The following VWC2L variants were observed in gnomAD, a reference collection of about 807,000 sequenced individuals.
VWC2L encodes the protein von Willebrand factor C domain containing 2 like.
VWC2L carries 10 observed loss-of-function variants against 21.6 expected under a neutral mutation model. The observed-to-expected ratio is 0.46, with a 90% CI of 0.29 to 0.78. The LOEUF is 0.78. VWC2L is among the 30% of genes least tolerant of loss of function. The probability of loss-of-function intolerance (pLI) is 0.10; values close to 1 mark genes in which losing one functional copy is unlikely to be tolerated. For missense variants in VWC2L, 209 were observed against 277.1 expected (o/e 0.75, Z 1.74); for synonymous variants, 96 against 94.3 (o/e 1.02, Z -0.10).
rs929822864 is a variant in VWC2L, at chr2:214,518,560, G to T, written c.521-57112G>T. Reference sequence around the variant, plus strand: ...CCAGGACTAGCACAAGAAATACTGTGAAGCATGAAAAGCTTGTCTCTAGTC... The same window carrying T: ...CCAGGACTAGCACAAGAAATACTGTTAAGCATGAAAAGCTTGTCTCTAGTC... On this transcript the variant is annotated intron_variant, in intron 3 of 3. Transcript: ENST00000312504. Among the ~76,000 whole-genome samples the T allele has an allele frequency of 1.1e-4, 17 of 152,282 alleles. 1 individual carries two copies. The highest frequency in any genetic ancestry group is 1.1e-3 in the Admixed American group (17 of 15,302).
At chr2:214,496,928 G>T (rs1688821199) in intron 3 of VWC2L, among the ~76,000 whole-genome samples, 1 of 152,080 alleles carries the variant, frequency 6.6e-6, no homozygotes, top group South Asian at 2.1e-4. Context: ...GTGTGTATTT[G>T]TATGTTTTGG....
intron 3 of VWC2L, among the ~76,000 whole-genome samples, chr2:214,511,497 G>A (rs950638067): frequency 6.6e-6 from 1 of 151,968 alleles, no homozygotes; most frequent in African/African-American, 2.4e-5. Context: ...GAGAGATTTG[G>A]GACAATTTCT....
At chr2:214,454,000 A>G (rs918649353) in intron 3 of VWC2L, among the ~76,000 whole-genome samples, 1 of 152,056 alleles carries the variant, frequency 6.6e-6, no homozygotes, top group South Asian at 2.1e-4. Flanking sequence ...GAATTACAGG[A>G]GTGAGCCACC....
intron 3 of VWC2L, among the ~76,000 whole-genome samples, chr2:214,455,475 T>C (rs1703042566): frequency 6.6e-6 from 1 of 152,220 alleles, no homozygotes; most frequent in Non-Finnish European, 1.5e-5. Context: ...ATGCATGGAA[T>C]GTGTAATGAC....
chr2:214,507,142 A>C (rs928242921), intron 3 of VWC2L, among the ~76,000 whole-genome samples: 18 of 152,192 alleles, frequency 1.2e-4, no homozygotes, highest in African/African-American at 4.1e-4. Context: ...ACCACAATTA[A>C]ATCTAACTGA....
At chr2:214,531,251 T>C (rs4286275) in intron 3 of VWC2L, among the ~76,000 whole-genome samples, 94,069 of 152,060 alleles carry the variant, frequency 0.62, 29,747 homozygotes, top group East Asian at 0.74. Flanking sequence ...CTGTAGGACT[T>C]TTGACGAGTA....
At chr2:214,412,833 T>C (rs1702298327) in intron 1 of VWC2L, among the ~76,000 whole-genome samples, 1 of 152,124 alleles carries the variant, frequency 6.6e-6, no homozygotes, top group African/African-American at 2.4e-5. Context: ...AATAAACCAA[T>C]GTATAACATT....
chr2:214,414,528 TA>T lies in VWC2L; in HGVS notation c.341del (p.Asn114ThrfsTer36). The T allele has an allele frequency of 6.2e-7, 1 of 1,612,814 alleles. No individual in the cohort carries two copies. Among genetic ancestry groups the T allele is most frequent in the Non-Finnish European group, 8.5e-7 (1 of 1,179,536 alleles). ...GGATGCTGTCCTGAGTGCAAAGAAG[TA>T]AAAAACTTCTGTGAATATCACGGGA... ...HNGCCPECKE[V>X]KNFCEYHGKN... On this transcript the variant is annotated frameshift_variant, in exon 2 of 4. Coordinates refer to ENST00000312504, the MANE Select transcript of VWC2L (RefSeq NM_001080500.4). LOFTEE classifies it high-confidence loss of function.
intron 2 of VWC2L, among the ~76,000 whole-genome samples, chr2:214,433,814 G>C (rs911373508): frequency 6.6e-6 from 1 of 152,172 alleles, no homozygotes; most frequent in African/African-American, 2.4e-5. Flanking sequence ...GGAATTGTAA[G>C]ATGATGAAAG....
At chr2:214,441,498 G>A (rs545998604) in intron 3 of VWC2L, among the ~76,000 whole-genome samples, 35 of 152,224 alleles carry the variant, frequency 2.3e-4, no homozygotes, top group African/African-American at 8.4e-4. Context: ...GGGATTGATG[G>A]TGCCTCATAT....
intron 3 of VWC2L, among the ~76,000 whole-genome samples, chr2:214,571,779 A>G (rs1477126584): frequency 1.3e-5 from 2 of 151,412 alleles, no homozygotes; most frequent in Non-Finnish European, 2.9e-5. Context: ...TCTTTCTTTC[A>G]TTCATATTCA....
chr2:214,549,583 G>A (rs986680410), intron 3 of VWC2L, among the ~76,000 whole-genome samples: 5 of 152,216 alleles, frequency 3.3e-5, no homozygotes, highest in African/African-American at 1.2e-4. Context: ...GACCAGCCTG[G>A]CCAACATGGT....
At chr2:214,420,566 T>C (rs1269258793) in intron 2 of VWC2L, among the ~76,000 whole-genome samples, 1 of 152,184 alleles carries the variant, frequency 6.6e-6, no homozygotes, top group Non-Finnish European at 1.5e-5. Flanking sequence ...ACAAAAAGCA[T>C]ATATATGAAG....
chr2:214,517,440 G>T (rs762773587), intron 3 of VWC2L, among the ~76,000 whole-genome samples: 2 of 152,150 alleles, frequency 1.3e-5, no homozygotes, highest in African/African-American at 2.4e-5. Flanking sequence ...CAGTTGGAGG[G>T]CTTTTGGAAC....
intron 3 of VWC2L, among the ~76,000 whole-genome samples, chr2:214,563,545 T>C (rs1210295396): frequency 7.3e-5 from 1 of 13,704 alleles, no homozygotes; most frequent in Non-Finnish European, 1.3e-4. Flanking sequence ...AGACTCCGTC[T>C]CAAAAAAAAA....
intron 3 of VWC2L, among the ~76,000 whole-genome samples, chr2:214,557,931 G>A (rs897265293): frequency 3.9e-5 from 6 of 152,168 alleles, no homozygotes; most frequent in Middle Eastern, 3.4e-3. Flanking sequence ...TCCTCCCTCT[G>A]CACTGTCTCT....
At chr2:214,538,791 C>T (rs977648137) in intron 3 of VWC2L, among the ~76,000 whole-genome samples, 11 of 151,882 alleles carry the variant, frequency 7.2e-5, no homozygotes, top group Admixed American at 5.9e-4. Flanking sequence ...ATTTTGATAC[C>T]GTACTTTGTC....
intron 3 of VWC2L, among the ~76,000 whole-genome samples, chr2:214,553,303 C>A (rs1005932916): frequency 6.6e-6 from 1 of 152,230 alleles, no homozygotes; most frequent in Non-Finnish European, 1.5e-5. Context: ...GCCTATGACA[C>A]AGCCCCAGGG....
chr2:214,489,179 A>T (rs994568117), intron 3 of VWC2L, among the ~76,000 whole-genome samples: 1 of 152,198 alleles, frequency 6.6e-6, no homozygotes, highest in African/African-American at 2.4e-5. Flanking sequence ...AGCTGGCCAT[A>T]GTCATATCAG....
Sources: gnomAD v4.1 joint callset for allele counts (sites outside exome capture counted in the v4.1 genomes callset) on GRCh38, gnomAD v4.1.1 for gene constraint, MANE v1.5 for transcripts, NCBI Gene and HGNC (gene_info 2026-07-23, HGNC 2026-07-21) for gene names.